ELP4: variants seen among roughly 807,000 people sequenced by gnomAD.
ELP4 encodes the protein elongator complex protein 4.
Under a neutral mutation model 48.9 loss-of-function variants are expected in ELP4, and 51 were observed. The ratio of observed to expected loss-of-function variants is 1.04; its 90% CI spans 0.83 to 1.32. ELP4 has a LOEUF of 1.32. Ranked by LOEUF, ELP4 falls within the 40% of genes most tolerant of loss-of-function variation. The pLI is 0.00. For synonymous variants in ELP4, 210 were observed against 189.2 expected (o/e 1.11, Z -0.90); for missense variants, 519 against 514.6 (o/e 1.01, Z -0.08).
intron 3 of ELP4, among the ~76,000 whole-genome samples, chr11:31,586,313 CAA>C (rs1328907343): frequency 1.3e-5 from 2 of 151,966 alleles, no homozygotes; most frequent in African/African-American, 4.8e-5. Flanking sequence ...AATACAAAGA[CAA>C]AGTTTTACTT....
At position 31,696,594 on chromosome 11, in the gene ELP4, G is replaced by T. The variant is rs1395271760; in HGVS notation, c.1143+46373G>T. Among the ~76,000 whole-genome samples the T allele has an allele frequency of 2.6e-5, 4 of 151,964 alleles. No individual in the cohort carries two copies. The East Asian group carries it at 7.7e-4, about 29-fold the overall frequency. On this transcript the variant is annotated intron_variant, in intron 9 of 9. Transcript: ENST00000640961. The stretch of plus-strand genomic sequence containing the variant: ...AGGAGTGCTTTACTTCCAACTATGT[G>T]GTCAATTTTGGAATAAGTGTGATGT...
At chr11:31,619,651 C>T (rs1463514766) in intron 5 of ELP4, among the ~76,000 whole-genome samples, 1 of 145,400 alleles carries the variant, frequency 6.9e-6, no homozygotes. Context: ...ATTTTCACCT[C>T]TGTTTTTTAT....
At chr11:31,534,082 C>T (rs1287896130) in intron 2 of ELP4, among the ~76,000 whole-genome samples, 1 of 152,070 alleles carries the variant, frequency 6.6e-6, no homozygotes, top group Admixed American at 6.5e-5. Flanking sequence ...GTGATCCGCC[C>T]GCCTCGGCCT....
chr11:31,670,175 C>T (rs1014837929), intron 9 of ELP4, among the ~76,000 whole-genome samples: 28 of 152,066 alleles, frequency 1.8e-4, no homozygotes, highest in Non-Finnish European at 2.9e-5. Flanking sequence ...ATTATCTCTT[C>T]CTCTTGCCTT....
intron 9 of ELP4, among the ~76,000 whole-genome samples, chr11:31,691,198 C>T (rs1946272882): frequency 6.6e-6 from 1 of 151,960 alleles, no homozygotes; most frequent in South Asian, 2.1e-4. Flanking sequence ...ATGATGAAGG[C>T]ATGTTACACA....
intron 9 of ELP4, chr11:31,780,788 T>C (rs1011924039): frequency 6.6e-6 from 1 of 152,242 alleles, no homozygotes; most frequent in African/African-American, 2.4e-5. Flanking sequence ...AATTGTATTA[T>C]GCTTGTTCTA....
intron 3 of ELP4, among the ~76,000 whole-genome samples, chr11:31,578,452 A>G (rs1957326599): frequency 1.3e-5 from 2 of 152,328 alleles, no homozygotes; most frequent in East Asian, 1.9e-4. Flanking sequence ...TAAAGTTCAT[A>G]TGGAACCAAA....
At chr11:31,774,974 C>T (rs1334511236) in intron 9 of ELP4, among the ~76,000 whole-genome samples, 1 of 152,158 alleles carries the variant, frequency 6.6e-6, no homozygotes, top group Non-Finnish European at 1.5e-5. Context: ...TTGCTATGCC[C>T]TCCTCAGCAA....
At chr11:31,553,765 C>CACACACACACACACACA (rs1592111473) in intron 3 of ELP4, among the ~76,000 whole-genome samples, 1 of 143,912 alleles carries the variant, frequency 6.9e-6, no homozygotes, top group African/African-American at 2.9e-5. Flanking sequence ...CACACACACA[C>CACACACACACACACACA]CCTATTGGTT....
chr11:31,593,993 CGTT>C (rs1215714066), intron 3 of ELP4, among the ~76,000 whole-genome samples: 1 of 152,074 alleles, frequency 6.6e-6, no homozygotes, highest in Non-Finnish European at 1.5e-5. Flanking sequence ...ACATAGCACA[CGTT>C]ATATTTACTA....
intron 3 of ELP4, among the ~76,000 whole-genome samples, chr11:31,575,376 A>G (rs970328791): frequency 6.6e-6 from 1 of 152,182 alleles, no homozygotes; most frequent in Non-Finnish European, 1.5e-5. Flanking sequence ...GCAGGATATT[A>G]TCCAGGAGAA....
At chr11:31,583,442 AAG>A (rs1245532882) in intron 3 of ELP4, among the ~76,000 whole-genome samples, 1 of 152,188 alleles carries the variant, frequency 6.6e-6, no homozygotes, top group Non-Finnish European at 1.5e-5. Context: ...AAAGATTAAA[AAG>A]AAAATAATTA....
intron 9 of ELP4, among the ~76,000 whole-genome samples, chr11:31,684,156 A>G (rs576278307): frequency 6.6e-6 from 1 of 152,268 alleles, no homozygotes; most frequent in Admixed American, 6.5e-5. Flanking sequence ...CAGTCCCTAT[A>G]AAAATCCCAG....
At chr11:31,591,904 AGT>A (rs1957585330) in intron 3 of ELP4, among the ~76,000 whole-genome samples, 4 of 152,244 alleles carry the variant, frequency 2.6e-5, no homozygotes, top group Admixed American at 2.6e-4. Flanking sequence ...TACAATGAAT[AGT>A]ATTCGACCAT....
chr11:31,727,415 C>A (rs1947098251), intron 9 of ELP4, among the ~76,000 whole-genome samples: 1 of 152,042 alleles, frequency 6.6e-6, no homozygotes. Flanking sequence ...TCTAATATAG[C>A]ACTTCTCCTT....
chr11:31,707,007 A>G (rs1946647882), intron 9 of ELP4: 1 of 398,222 alleles, frequency 2.5e-6, no homozygotes, highest in Admixed American at 4.4e-5. Context: ...TTGACTTCAT[A>G]TCTTAGCTAT....
intron 9 of ELP4, among the ~76,000 whole-genome samples, chr11:31,745,755 G>A (rs1373693652): frequency 6.6e-6 from 1 of 152,174 alleles, no homozygotes; most frequent in Non-Finnish European, 1.5e-5. Context: ...ATGGATTAAA[G>A]ACTTAAATGT....
At chr11:31,754,674 C>T (rs1274242964) in intron 9 of ELP4, among the ~76,000 whole-genome samples, 1 of 152,088 alleles carries the variant, frequency 6.6e-6, no homozygotes, top group African/African-American at 2.4e-5. Context: ...AGTTCGAGAC[C>T]AGCCCAGCCA....
chr11:31,699,964 G>T (rs945985502), intron 9 of ELP4, among the ~76,000 whole-genome samples: 1 of 152,134 alleles, frequency 6.6e-6, no homozygotes. Flanking sequence ...CTGAGAATAT[G>T]GGAGGAGAAT....
Sources: allele counts gnomAD v4.1 joint callset (sites outside exome capture counted in the v4.1 genomes callset), GRCh38; gene constraint gnomAD v4.1.1; transcripts MANE v1.5; gene names NCBI Gene and HGNC (gene_info 2026-07-23, HGNC 2026-07-21).